The following B4GALNT3 variants were observed in gnomAD, a reference collection of about 807,000 sequenced individuals.
The protein encoded by B4GALNT3 is beta-1,4-N-acetyl-galactosaminyltransferase 3.
B4GALNT3 carries 86 observed loss-of-function variants against 120.2 expected under a neutral mutation model. The observed-to-expected ratio is 0.72, with a 90% CI of 0.60 to 0.86. The LOEUF (loss-of-function observed/expected upper bound fraction) is 0.86, where lower values mean the gene tolerates loss of function less well. Ranked by LOEUF, B4GALNT3 falls within the 40% of genes least tolerant of loss-of-function variation. B4GALNT3 has a pLI of 0.00. For synonymous variants in B4GALNT3, 518 were observed against 510.4 expected (o/e 1.01, Z -0.20); for missense variants, 1,167 against 1,298.9 (o/e 0.90, Z 1.56).
intron 5 of B4GALNT3, 80 bp from the exon 6 acceptor site, chr12:545,289 G>T (rs1342550853): frequency 1.5e-5 from 23 of 1,526,236 alleles, no homozygotes; most frequent in Non-Finnish European, 1.9e-5. Context: ...GAATTTAATC[G>T]CTAAGACACT....
At chr12:509,902 A>G (rs1324925426) in intron 1 of B4GALNT3, among the ~76,000 whole-genome samples, 1 of 152,168 alleles carries the variant, frequency 6.6e-6, no homozygotes, top group Non-Finnish European at 1.5e-5. Context: ...TATTCCACAC[A>G]TACCCTGTTT....
At chr12:482,710 A>G (rs1946253572) in intron 1 of B4GALNT3, among the ~76,000 whole-genome samples, 1 of 152,140 alleles carries the variant, frequency 6.6e-6, no homozygotes, top group East Asian at 1.9e-4. Flanking sequence ...TCTTAAGCAT[A>G]TGCAGCCAGG....
intron 1 of B4GALNT3, among the ~76,000 whole-genome samples, chr12:474,803 T>C (rs10849062): frequency 0.96 from 145,391 of 152,134 alleles, 69,827 homozygotes; most frequent in East Asian, 1. Flanking sequence ...ACAAAAAATA[T>C]AAGAATTAGC....
intron 1 of B4GALNT3, among the ~76,000 whole-genome samples, chr12:511,373 C>A (rs372994753): frequency 7.9e-6 from 1 of 125,996 alleles, no homozygotes; most frequent in East Asian, 2.3e-4. Flanking sequence ...TTCAACCTTC[C>A]GCCTTCCGCC....
At chr12:544,793 A>G in intron 4 of B4GALNT3, 89 bp from the exon 5 acceptor site, 2 of 1,298,250 alleles carry the variant, frequency 1.5e-6, no homozygotes, top group South Asian at 2.5e-5. Context: ...CTCCTGTCAT[A>G]GTCCCCTCCT....
At chr12:468,524 T>C (rs1946104590) in intron 1 of B4GALNT3, among the ~76,000 whole-genome samples, 1 of 152,082 alleles carries the variant, frequency 6.6e-6, no homozygotes, top group Admixed American at 6.6e-5. Context: ...TTCAATAAAA[T>C]TGGAGGCATC....
intron 9 of B4GALNT3, 100 bp from the exon 10 acceptor site, chr12:549,669 T>G (rs1592054668): frequency 6.8e-7 from 1 of 1,470,684 alleles, no homozygotes; most frequent in Non-Finnish European, 9.4e-7. Flanking sequence ...GCCGCTGGAG[T>G]CAGGAGCCCC....
intron 1 of B4GALNT3, among the ~76,000 whole-genome samples, chr12:513,559 T>C (rs1050650875): frequency 6.6e-6 from 1 of 152,240 alleles, no homozygotes; most frequent in Admixed American, 6.5e-5. Context: ...AGCCGGCTTC[T>C]TTCCTGCAGT....
chr12:536,091 G>A (rs1421488415), intron 2 of B4GALNT3, 127 bp from the exon 3 acceptor site: 1 of 705,458 alleles, frequency 1.4e-6, no homozygotes, highest in Non-Finnish European at 2.6e-6. Flanking sequence ...CCAGGACATG[G>A]TGTGAATGAC....
chr12:530,884 G>C (rs1946799839), intron 1 of B4GALNT3, among the ~76,000 whole-genome samples: 1 of 152,184 alleles, frequency 6.6e-6, no homozygotes, highest in Non-Finnish European at 1.5e-5. Flanking sequence ...GCCCAGCTTT[G>C]TGAGGGCAGA....
chr12:552,334 CA>C lies in B4GALNT3; in HGVS notation c.1209-132del, dbSNP rs1250516361. Reference sequence around the variant, plus strand: ...ACACACACACACACACACACACACACACCCGCTCACCAGCCTCCTTCCTCCA... The same window carrying C: ...ACACACACACACACACACACACACACCCCGCTCACCAGCCTCCTTCCTCCA... On this transcript the variant is annotated intron_variant, in intron 12 of 19. Transcript: ENST00000266383. The C allele has an allele frequency of 1.1e-4, 98 of 923,274 alleles. 1 individual carries two copies. The highest frequency in any genetic ancestry group is 6.0e-4 in the East Asian group (24 of 39,784). 57.2% of individuals were successfully genotyped at this position (923,274 alleles called of 1,614,324 possible). A position where few individuals can be genotyped will look rare whatever the true frequency, so the allele number is the denominator to read the frequency against.
At chr12:519,499 G>A (rs539837633) in intron 1 of B4GALNT3, among the ~76,000 whole-genome samples, 6 of 152,102 alleles carry the variant, frequency 3.9e-5, no homozygotes, top group African/African-American at 1.4e-4. Context: ...ACCGCTGGCA[G>A]AACGCGGCTC....
chr12:543,473 G>A (rs1592050419), intron 3 of B4GALNT3, among the ~76,000 whole-genome samples: 1 of 101,022 alleles, frequency 9.9e-6, no homozygotes, highest in African/African-American at 4.2e-5. Flanking sequence ...TCATCTTCCT[G>A]GAGCTGAGGA....
rs928936186 is a variant in B4GALNT3 at position 556,699 on chromosome 12, A to G, written c.2213A>G (p.Asp738Gly). 6 of 1,613,920 alleles carry G rather than the reference A, an allele frequency of 3.7e-6. No homozygotes were observed. Among genetic ancestry groups the G allele is most frequent in the Middle Eastern group, 1.6e-4 (1 of 6,062 alleles). ...YVSARGWQGI[D>G]PAGGEEVEAR... ...TCTGCACGAGGCTGGCAGGGCATCG[A>G]TCCAGCTGGTGGGGAGGAGGTCGAG... Residue 738 changes from aspartate (D) to glycine (G), a missense_variant, in exon 15 of 20, where the codon GAT becomes GGT. Physicochemically the swap from Asp to Gly is moderately conservative, Grantham distance 94. Around this residue, in one of 3 missense-constraint regions of B4GALNT3, gnomAD observed 983 missense variants for 1,102.5 expected, o/e 0.89. Transcript: ENST00000266383.
At chr12:526,878 T>C (rs57068899) in intron 1 of B4GALNT3, among the ~76,000 whole-genome samples, 22,727 of 152,082 alleles carry the variant, frequency 0.15, 2,431 homozygotes, top group East Asian at 0.36. Flanking sequence ...CCCCCTCTTC[T>C]TACCTCCTCT....
At chr12:552,023 C>G (rs1417636514) in intron 11 of B4GALNT3, 40 bp from the exon 12 acceptor site, 2 of 1,453,092 alleles carry the variant, frequency 1.4e-6, no homozygotes, top group Admixed American at 3.3e-5. Context: ...TTACCAAGAT[C>G]TCACTCTCTT....
intron 1 of B4GALNT3, among the ~76,000 whole-genome samples, chr12:493,812 T>C (rs538581727): frequency 2.0e-5 from 3 of 152,192 alleles, no homozygotes; most frequent in African/African-American, 7.2e-5. Context: ...AAAGTAACAA[T>C]AGATAGAGGT....
chr12:477,870 C>A (rs530241399), intron 1 of B4GALNT3, among the ~76,000 whole-genome samples: 1 of 152,068 alleles, frequency 6.6e-6, no homozygotes, highest in South Asian at 2.1e-4. Flanking sequence ...CCATTACTGG[C>A]AGTGTGAGGG....
At chr12:546,906 G>A (rs1467517859) in intron 7 of B4GALNT3, 193 bp downstream of exon 7, 2 of 602,074 alleles carry the variant, frequency 3.3e-6, no homozygotes, top group Non-Finnish European at 5.9e-6. Context: ...GGGAAACTGA[G>A]GCCCAGAAGG....
Sources: allele counts gnomAD v4.1 joint callset (sites outside exome capture counted in the v4.1 genomes callset), GRCh38; gene constraint gnomAD v4.1.1; regional missense constraint gnomAD v4.1.1; transcripts MANE v1.5; gene names NCBI Gene and HGNC (gene_info 2026-07-23, HGNC 2026-07-21).